The following PCDH9 variants were observed in gnomAD, a reference collection of about 807,000 sequenced individuals.
The protein encoded by PCDH9 is protocadherin 9.
A neutral mutation model predicts 70.6 loss-of-function variants in PCDH9; 24 were observed. The ratio of observed to expected loss-of-function variants is 0.34; its 90% confidence interval spans 0.25 to 0.48. The LOEUF (loss-of-function observed/expected upper bound fraction) is 0.48. Ranked by LOEUF, PCDH9 falls within the 20% of genes least tolerant of loss-of-function variation. The pLI is 0.99. For missense variants in PCDH9, 1,281 were observed against 1,503.6 expected (o/e 0.85, Z 2.45); for synonymous variants, 562 against 558.5 (o/e 1.01, Z -0.09).
intron 4 of PCDH9, among the ~76,000 whole-genome samples, chr13:66,389,306 G>T (rs915860601): frequency 1.4e-4 from 22 of 152,022 alleles, no homozygotes; most frequent in African/African-American, 5.1e-4. Context: ...TAATGTGAAA[G>T]AACTTTGAAA....
chr13:67,005,179 C>A (rs1330064669), intron 2 of PCDH9, among the ~76,000 whole-genome samples: 2 of 151,692 alleles, frequency 1.3e-5, no homozygotes, highest in East Asian at 3.9e-4. Context: ...CATATGGGAA[C>A]ATCCATTTGC....
At chr13:66,877,894 C>T (rs1453630402) in intron 3 of PCDH9, among the ~76,000 whole-genome samples, 1 of 152,180 alleles carries the variant, frequency 6.6e-6, no homozygotes, top group African/African-American at 2.4e-5. Context: ...CAATGACTCC[C>T]ACCAGCCCTT....
At chr13:66,526,063 T>C (rs1960205676) in intron 4 of PCDH9, among the ~76,000 whole-genome samples, 1 of 152,096 alleles carries the variant, frequency 6.6e-6, no homozygotes, top group South Asian at 2.1e-4. Flanking sequence ...CTTGCTACAT[T>C]CTTAGGGATG....
At chr13:66,544,752 G>C (rs981725497) in intron 4 of PCDH9, among the ~76,000 whole-genome samples, 1 of 152,142 alleles carries the variant, frequency 6.6e-6, no homozygotes, top group Admixed American at 6.6e-5. Flanking sequence ...GTAATTTCCA[G>C]GTTGTTGCCA....
chr13:66,596,626 G>T (rs534822432), intron 4 of PCDH9, among the ~76,000 whole-genome samples: 1 of 151,506 alleles, frequency 6.6e-6, no homozygotes, highest in Non-Finnish European at 1.5e-5. Context: ...ATACGAGAAC[G>T]TGACAAGAAA....
intron 3 of PCDH9, among the ~76,000 whole-genome samples, chr13:66,812,978 A>T (rs1369497748): frequency 6.6e-6 from 1 of 152,176 alleles, no homozygotes. Context: ...ATGAGGATAG[A>T]TCTCCAAAAG....
At chr13:66,637,576 A>C (rs958382320) in intron 3 of PCDH9, among the ~76,000 whole-genome samples, 1 of 152,196 alleles carries the variant, frequency 6.6e-6, no homozygotes, top group Non-Finnish European at 1.5e-5. Flanking sequence ...TGGCTCCACT[A>C]ATGTAGAAAT....
intron 3 of PCDH9, among the ~76,000 whole-genome samples, chr13:66,876,071 C>A (rs566496101): frequency 6.6e-6 from 1 of 152,098 alleles, no homozygotes; most frequent in African/African-American, 2.4e-5. Context: ...ATCCATCGTG[C>A]TATCATATGA....
At chr13:66,517,948 G>A (rs1566385760) in intron 4 of PCDH9, among the ~76,000 whole-genome samples, 1 of 152,032 alleles carries the variant, frequency 6.6e-6, no homozygotes, top group Non-Finnish European at 1.5e-5. Flanking sequence ...TCAACAAAAT[G>A]AATGGACATG....
intron 4 of PCDH9, among the ~76,000 whole-genome samples, chr13:66,578,827 C>T (rs1442840934): frequency 6.6e-6 from 1 of 152,030 alleles, no homozygotes; most frequent in African/African-American, 2.4e-5. Context: ...ATTTTGGGAG[C>T]CAACTGAGTT....
At chr13:67,129,520 G>C (rs1566443214) in intron 2 of PCDH9, among the ~76,000 whole-genome samples, 1 of 151,978 alleles carries the variant, frequency 6.6e-6, no homozygotes, top group Non-Finnish European at 1.5e-5. Context: ...GAATTTATTA[G>C]TCTATAAGAA....
chr13:66,551,719 G>A (rs373045344), intron 4 of PCDH9, among the ~76,000 whole-genome samples: 40 of 152,100 alleles, frequency 2.6e-4, no homozygotes, highest in African/African-American at 9.4e-4. Flanking sequence ...CAAGGCTATG[G>A]TCAGCTATCA....
At chr13:66,318,627 C>A (rs1955697483) in intron 4 of PCDH9, among the ~76,000 whole-genome samples, 1 of 152,088 alleles carries the variant, frequency 6.6e-6, no homozygotes, top group South Asian at 2.1e-4. Context: ...TGTAAGGGAA[C>A]AAAATGGAGG....
chr13:66,964,241 T>C (rs1416470870), intron 2 of PCDH9, among the ~76,000 whole-genome samples: 1 of 151,902 alleles, frequency 6.6e-6, no homozygotes, highest in Non-Finnish European at 1.5e-5. Context: ...ATATAAAGAT[T>C]AGGCTCAAAT....
At chr13:66,431,685 T>G (rs1250057545) in intron 4 of PCDH9, among the ~76,000 whole-genome samples, 1 of 152,000 alleles carries the variant, frequency 6.6e-6, no homozygotes, top group South Asian at 2.1e-4. Flanking sequence ...ATAAAGATCT[T>G]TCACTTAAAG....
At chr13:66,870,260 C>G (rs2081652079) in intron 3 of PCDH9, among the ~76,000 whole-genome samples, 1 of 152,112 alleles carries the variant, frequency 6.6e-6, no homozygotes. Flanking sequence ...TCTGAGGGCT[C>G]TGTTCTGTTC....
At chr13:67,023,732 T>C (rs1485424982) in intron 2 of PCDH9, among the ~76,000 whole-genome samples, 1 of 152,000 alleles carries the variant, frequency 6.6e-6, no homozygotes, top group Admixed American at 6.6e-5. Context: ...CCACAGGTTG[T>C]TGCCATGACT....
chr13:66,992,481 C>T lies in PCDH9; in HGVS notation c.3037-88876G>A, dbSNP rs981036782. On this transcript the variant is annotated intron_variant, in intron 2 of 4. Coordinates refer to ENST00000377865, the MANE Select transcript of PCDH9 (RefSeq NM_203487.3). Reference sequence around the variant, plus strand: ...ATCTAAACAATGGTCTTCTTTTTAACTCCTGTTCCTCTTTGGTGACTTTAA... The same window carrying T: ...ATCTAAACAATGGTCTTCTTTTTAATTCCTGTTCCTCTTTGGTGACTTTAA... Among the ~76,000 whole-genome samples the T allele has an allele frequency of 5.3e-5, 8 of 152,188 alleles. No individual in the cohort carries two copies. In the South Asian group the frequency reaches 8.3e-4, roughly 16 times the overall value.
intron 4 of PCDH9, among the ~76,000 whole-genome samples, chr13:66,429,593 G>C (rs982582344): frequency 2.0e-5 from 3 of 151,712 alleles, no homozygotes; most frequent in Non-Finnish European, 4.4e-5. Flanking sequence ...CTCCCTCAGA[G>C]GGATCAGAAC....
Sources: gnomAD v4.1 joint callset for allele counts (sites outside exome capture counted in the v4.1 genomes callset) on GRCh38, gnomAD v4.1.1 for gene constraint, MANE v1.5 for transcripts, NCBI Gene and HGNC (gene_info 2026-07-23, HGNC 2026-07-21) for gene names.